Variants in RBFOX1 observed in about 807,000 individuals in gnomAD.
RBFOX1 encodes RNA binding fox-1 homolog 1, also known as RNA binding protein fox-1 homolog 1.
RBFOX1 carries 8 observed loss-of-function variants against 57.7 expected under a neutral mutation model. The observed-to-expected ratio is 0.14, with a 90% CI of 0.08 to 0.25. The LOEUF is 0.25. RBFOX1 is among the 10% of genes least tolerant of loss of function. RBFOX1 has a pLI of 1.00. For missense variants in RBFOX1, 611 were observed against 548.5 expected (o/e 1.11, Z -1.14); for synonymous variants, 326 against 222.4 (o/e 1.47, Z -4.15).
chr16:6,496,599 A>G (rs2153159151), intron 2 of RBFOX1, among the ~76,000 whole-genome samples: 1 of 152,266 alleles, frequency 6.6e-6, no homozygotes, highest in South Asian at 2.1e-4. Flanking sequence ...CTGGGCTCAG[A>G]AAATCAAAGC....
intron 2 of RBFOX1, among the ~76,000 whole-genome samples, chr16:5,513,331 T>C (rs1185578096): frequency 6.6e-6 from 1 of 152,170 alleles, no homozygotes; most frequent in Non-Finnish European, 1.5e-5. Flanking sequence ...GGGATGTATG[T>C]TTTTGGGAGG....
At chr16:6,113,819 C>G (rs1427635384) in intron 1 of RBFOX1, among the ~76,000 whole-genome samples, 1 of 152,202 alleles carries the variant, frequency 6.6e-6, no homozygotes, top group African/African-American at 2.4e-5. Context: ...GCCGTGGTCT[C>G]TGTGTCTTTT....
intron 4 of RBFOX1, among the ~76,000 whole-genome samples, chr16:7,440,907 T>G (rs769757933): frequency 6.6e-6 from 1 of 152,150 alleles, no homozygotes; most frequent in Non-Finnish European, 1.5e-5. Context: ...GGCATGGTTG[T>G]GCACAAATGT....
chr16:5,415,150 A>C (rs751648043), intron 1 of RBFOX1, among the ~76,000 whole-genome samples: 104 of 152,184 alleles, frequency 6.8e-4, no homozygotes, highest in Non-Finnish European at 1.3e-3. Context: ...ACTACCTGAG[A>C]ATGGGTATTT....
intron 4 of RBFOX1, among the ~76,000 whole-genome samples, chr16:7,383,242 A>G (rs1415870219): frequency 2.6e-5 from 4 of 151,504 alleles, no homozygotes; most frequent in African/African-American, 7.3e-5. Context: ...ATAAACATAC[A>G]CACCTACTAC....
rs59261521 is a variant in RBFOX1, at chr16:6,225,019, CAAAAAAAAAAA to C, written c.-126-91960_-126-91950del. On this transcript the variant is annotated intron_variant, in intron 1 of 15. Coordinates refer to ENST00000550418, the MANE Select transcript of RBFOX1 (RefSeq NM_018723.4). Reference sequence around the variant, plus strand: ...GGGCAACAAGAGCAAAACTCCATCTCAAAAAAAAAAAAAAAAAAAAAAAAAATCACTCACTC... The same window carrying C: ...GGGCAACAAGAGCAAAACTCCATCTCAAAAAAAAAAAAAAATCACTCACTC... Among the ~76,000 whole-genome samples the C allele has an allele frequency of 5.2e-3, 395 of 76,048 alleles. 5 individuals carry two copies. The highest frequency in any genetic ancestry group is 0.017 in the African/African-American group (366 of 21,580). 49.9% of individuals were successfully genotyped at this position (76,048 alleles called of 152,430 possible).
rs184437907 is a variant in RBFOX1, at chr16:6,568,640, T to C, written c.-63-85963T>C. Among the ~76,000 whole-genome samples the C allele has an allele frequency of 3.3e-5, 5 of 152,306 alleles. No homozygotes were observed. In the East Asian group the frequency reaches 7.7e-4, roughly 24 times the overall value. On this transcript the variant is annotated intron_variant, in intron 2 of 15. Coordinates refer to ENST00000550418, the MANE Select transcript of RBFOX1 (RefSeq NM_018723.4). ...TGGGGGTTCATTCTCATGTATCTTA[T>C]TCTGATTCTCAGAAGAGAGCCCTGG...
chr16:6,723,398 A>G (rs992370478), intron 3 of RBFOX1, among the ~76,000 whole-genome samples: 3 of 152,226 alleles, frequency 2.0e-5, no homozygotes, highest in Non-Finnish European at 1.5e-5. Flanking sequence ...AAAGACTTAA[A>G]GATACCACTA....
At chr16:6,354,497 T>C (rs1423541942) in intron 2 of RBFOX1, among the ~76,000 whole-genome samples, 4 of 152,162 alleles carry the variant, frequency 2.6e-5, no homozygotes, top group East Asian at 1.9e-4. Flanking sequence ...CCCTGACTGA[T>C]AGCTTCAGAG....
intron 1 of RBFOX1, among the ~76,000 whole-genome samples, chr16:6,269,817 A>C (rs1380022246): frequency 6.6e-6 from 1 of 152,224 alleles, no homozygotes; most frequent in Non-Finnish European, 1.5e-5. Flanking sequence ...AATAGCCATT[A>C]ATATGATAAA....
At chr16:6,955,406 C>A (rs896330702) in intron 3 of RBFOX1, among the ~76,000 whole-genome samples, 1 of 151,928 alleles carries the variant, frequency 6.6e-6, no homozygotes, top group African/African-American at 2.4e-5. Context: ...CCCCTGTGTT[C>A]TGGACTTACT....
At chr16:6,188,514 C>G (rs2097121898) in intron 1 of RBFOX1, among the ~76,000 whole-genome samples, 1 of 150,950 alleles carries the variant, frequency 6.6e-6, no homozygotes, top group Admixed American at 6.6e-5. Context: ...TCAGACAACG[C>G]AAAGAGGTGT....
At chr16:6,314,158 T>G (rs187010743) in intron 1 of RBFOX1, among the ~76,000 whole-genome samples, 1 of 152,274 alleles carries the variant, frequency 6.6e-6, no homozygotes, top group African/African-American at 2.4e-5. Context: ...GAGAAACCTC[T>G]TTCTGGAATG....
chr16:6,434,234 T>C (rs1313801352), intron 2 of RBFOX1, among the ~76,000 whole-genome samples: 2 of 152,144 alleles, frequency 1.3e-5, no homozygotes, highest in African/African-American at 4.8e-5. Context: ...TTACATAACA[T>C]CTGCAAAGTC....
chr16:7,359,368 A>G (rs1377979337), intron 4 of RBFOX1, among the ~76,000 whole-genome samples: 1 of 150,238 alleles, frequency 6.7e-6, no homozygotes, highest in African/African-American at 2.5e-5. Flanking sequence ...AATTGTGTGT[A>G]TATCTGTGTA....
At chr16:6,961,152 G>GAC (rs1158074540) in intron 3 of RBFOX1, among the ~76,000 whole-genome samples, 1 of 147,908 alleles carries the variant, frequency 6.8e-6, no homozygotes, top group Non-Finnish European at 1.5e-5. Context: ...CACCCACACA[G>GAC]ACACACACAC....
intron 3 of RBFOX1, among the ~76,000 whole-genome samples, chr16:7,046,249 T>TGC (rs1399079619): frequency 6.6e-6 from 1 of 151,506 alleles, no homozygotes; most frequent in Non-Finnish European, 1.5e-5. Flanking sequence ...TGTGTGTGTG[T>TGC]GTGTGTGTGT....
intron 4 of RBFOX1, among the ~76,000 whole-genome samples, chr16:5,912,942 C>T (rs1048542319): frequency 6.6e-6 from 1 of 152,122 alleles, no homozygotes; most frequent in Non-Finnish European, 1.5e-5. Context: ...GACAGCTGAC[C>T]TGGTGGGGTG....
intron 3 of RBFOX1, among the ~76,000 whole-genome samples, chr16:5,753,822 G>A (rs1352273532): frequency 6.6e-6 from 1 of 151,502 alleles, no homozygotes; most frequent in African/African-American, 2.4e-5. Context: ...CTACAAATAA[G>A]TAGAGAGCTG....
Sources: gnomAD v4.1 joint callset for allele counts (sites outside exome capture counted in the v4.1 genomes callset) on GRCh38, gnomAD v4.1.1 for gene constraint, MANE v1.5 for transcripts, NCBI Gene and HGNC (gene_info 2026-07-23, HGNC 2026-07-21) for gene names.